TNPO3: variants seen among roughly 807,000 people sequenced by gnomAD.
The protein encoded by TNPO3 is transportin-3.
A neutral mutation model predicts 122.8 loss-of-function variants in TNPO3; 65 were observed. The observed-to-expected ratio is 0.53, with a 90% CI of 0.43 to 0.65. TNPO3 has a LOEUF of 0.65. Ranked by LOEUF, TNPO3 falls within the 30% of genes least tolerant of loss-of-function variation. TNPO3 has a pLI of 0.00. For synonymous variants in TNPO3, 372 were observed against 411.2 expected (o/e 0.90, Z 1.15); for missense variants, 850 against 1,136.7 (o/e 0.75, Z 3.63).
At chr7:128,976,210 T>C (rs954927654) in intron 16 of TNPO3, among the ~76,000 whole-genome samples, 1 of 152,228 alleles carries the variant, frequency 6.6e-6, no homozygotes, top group Admixed American at 6.5e-5. Context: ...CATGGATTAT[T>C]TGCAAAACCC....
intron 1 of TNPO3, among the ~76,000 whole-genome samples, chr7:129,024,224 G>C (rs762915654): frequency 1.3e-5 from 2 of 152,180 alleles, no homozygotes; most frequent in Non-Finnish European, 2.9e-5. Flanking sequence ...CTCTGCTGGA[G>C]AGAATGTGGA....
At chr7:128,962,305 C>T (rs892951651) in intron 21 of TNPO3, among the ~76,000 whole-genome samples, 2 of 146,006 alleles carry the variant, frequency 1.4e-5, no homozygotes, top group African/African-American at 5.1e-5. Context: ...GTGGAGCTTG[C>T]AGTGAGCCGA....
At chr7:129,010,012 C>T (rs1442685898) in intron 4 of TNPO3, among the ~76,000 whole-genome samples, 2 of 150,388 alleles carry the variant, frequency 1.3e-5, no homozygotes, top group Non-Finnish European at 3.0e-5. Context: ...AAAGACAAAG[C>T]CAGAAAAAAA....
chr7:129,008,369 A>G (rs540938113), intron 4 of TNPO3, among the ~76,000 whole-genome samples: 1 of 152,084 alleles, frequency 6.6e-6, no homozygotes, highest in Non-Finnish European at 1.5e-5. Context: ...AAATTAAAAA[A>G]TAAAACAACA....
At chr7:129,030,562 T>C (rs932557235) in intron 1 of TNPO3, 1 of 152,184 alleles carries the variant, frequency 6.6e-6, no homozygotes, top group African/African-American at 2.4e-5. Flanking sequence ...TAACCATGAG[T>C]CCAGCTTGAA....
chr7:129,015,038 G>T lies in TNPO3; in HGVS notation c.493C>A (p.Arg165=), dbSNP rs749513287. ...HSRSLRIGAN[R]RTEIIEDLAF... ...AAATCTTCTATAATTTCTGTGCGCC[G>T]ATTAGCTCCAATTCGTAAGGAACGA... The change falls in exon 4 of 23, where the codon CGG becomes AGG. Residue 165 remains arginine, a synonymous_variant. Transcript: ENST00000265388. The T allele has an allele frequency of 6.2e-7, 1 of 1,612,902 alleles. No homozygotes were observed. Among genetic ancestry groups the T allele is most frequent in the South Asian group, 1.1e-5 (1 of 90,722 alleles).
chr7:129,027,380 G>T (rs993228051), intron 1 of TNPO3, among the ~76,000 whole-genome samples: 11 of 151,420 alleles, frequency 7.3e-5, no homozygotes, highest in Non-Finnish European at 1.5e-4. Context: ...GACTAATATG[G>T]TGAAACCCCA....
At chr7:128,961,904 A>G (rs1797494007) in intron 21 of TNPO3, among the ~76,000 whole-genome samples, 1 of 152,228 alleles carries the variant, frequency 6.6e-6, no homozygotes, top group South Asian at 2.1e-4. Flanking sequence ...CAGGCAAGTG[A>G]CAAGTAGTCA....
chr7:128,978,762 G>A (rs1358843244), intron 16 of TNPO3, among the ~76,000 whole-genome samples: 1 of 152,088 alleles, frequency 6.6e-6, no homozygotes, highest in Non-Finnish European at 1.5e-5. Flanking sequence ...CTCCCGAGTA[G>A]CTAGGATTAT....
At chr7:128,973,882 T>C (rs1326890497) in intron 18 of TNPO3, among the ~76,000 whole-genome samples, 2 of 138,230 alleles carry the variant, frequency 1.4e-5, no homozygotes, top group Admixed American at 1.5e-4. Flanking sequence ...AAGGGTTCAA[T>C]ATTCAATCCT....
intron 21 of TNPO3, among the ~76,000 whole-genome samples, chr7:128,957,577 T>C (rs1300192723): frequency 2.6e-5 from 4 of 152,248 alleles, no homozygotes. Flanking sequence ...GGCTCCACTG[T>C]GCCCTTGAAC....
In TNPO3 at chr7:128,954,698, A is replaced by G. The variant is rs1043866253; in HGVS notation, c.*719T>C. The G allele has an allele frequency of 2.6e-5, 4 of 152,706 alleles. No homozygotes were observed. The highest frequency in any genetic ancestry group is 5.8e-5 in the Non-Finnish European group (4 of 68,406). The allele number at this position is 152,706 out of a possible 1,614,324, so 9.5% of individuals were successfully genotyped here. On this transcript the variant is annotated 3_prime_UTR_variant, in exon 23 of 23. Transcript: ENST00000265388. ...AGCATCACCAATGTGACCACGATAG[A>G]AAGCAGAACAAGTTCCTTGCTTACT...
chr7:129,003,863 A>AATTCCC (rs1204253824), intron 5 of TNPO3, among the ~76,000 whole-genome samples: 1 of 152,210 alleles, frequency 6.6e-6, no homozygotes, highest in Non-Finnish European at 1.5e-5. Context: ...CTCCAATTCC[A>AATTCCC]ATTCCCAGAA....
intron 16 of TNPO3, among the ~76,000 whole-genome samples, chr7:128,977,599 C>CTT: frequency 7.4e-6 from 1 of 135,756 alleles, no homozygotes; most frequent in Admixed American, 7.4e-5. Context: ...TTTCTTTTTT[C>CTT]TTTTTTTTTT....
intron 11 of TNPO3, among the ~76,000 whole-genome samples, chr7:128,988,092 A>C (rs1424318571): frequency 6.6e-6 from 1 of 151,972 alleles, no homozygotes; most frequent in Non-Finnish European, 1.5e-5. Context: ...TCCCTGCCTC[A>C]GCCTCCCAAC....
chr7:128,994,604 G>A (rs913607346), intron 8 of TNPO3, among the ~76,000 whole-genome samples: 4 of 152,152 alleles, frequency 2.6e-5, no homozygotes, highest in African/African-American at 9.7e-5. Flanking sequence ...GAAGATTTAT[G>A]TTTCAAGATC....
intron 1 of TNPO3, among the ~76,000 whole-genome samples, chr7:129,046,856 G>A (rs1430139159): frequency 6.6e-6 from 1 of 152,132 alleles, no homozygotes; most frequent in African/African-American, 2.4e-5. Flanking sequence ...GAACTTGTGA[G>A]ACTTATTCAC....
chr7:129,048,686 G>A (rs1032750571), intron 1 of TNPO3, among the ~76,000 whole-genome samples: 5 of 151,338 alleles, frequency 3.3e-5, no homozygotes, highest in Non-Finnish European at 7.4e-5. Context: ...AAAGACTGAA[G>A]AGCATTAAAG....
At position 129,001,179 on chromosome 7, in the gene TNPO3, G is replaced by A. The variant is rs755794274; in HGVS notation, c.752C>T (p.Ser251Leu). Residue 251 changes from serine (S) to leucine (L), a missense_variant, in exon 6 of 23, where the codon TCA becomes TTA. Transcript: ENST00000265388. ...LHEAASDCVCSALYAIENVET... is the reference protein window; with the variant it reads ...LHEAASDCVCLALYAIENVET... ...CACATTCTCAATGGCATAGAGAGCT[G>A]AGCATACACAGTCCGAAGCAGCTTC... 4 of 1,613,976 alleles carry A rather than the reference G, an allele frequency of 2.5e-6. No homozygotes were observed. The highest frequency in any genetic ancestry group is 1.7e-5 in the Admixed American group (1 of 60,004).
Sources: gnomAD v4.1 joint callset for allele counts (sites outside exome capture counted in the v4.1 genomes callset) on GRCh38, gnomAD v4.1.1 for gene constraint, MANE v1.5 for transcripts, NCBI Gene and HGNC (gene_info 2026-07-23, HGNC 2026-07-21) for gene names.